The following ELAVL1 variants were observed in gnomAD, a reference collection of about 807,000 sequenced individuals.
ELAVL1 encodes ELAV-like protein 1.
Under a neutral mutation model 28.4 loss-of-function variants are expected in ELAVL1, and 1 was observed. The observed-to-expected ratio is 0.04, with a 90% confidence interval of 0.01 to 0.17. The LOEUF (loss-of-function observed/expected upper bound fraction) is 0.17, where lower values mean the gene tolerates loss of function less well. ELAVL1 is among the 10% of genes least tolerant of loss of function. The pLI is 1.00. For synonymous variants in ELAVL1, 174 were observed against 183.5 expected (o/e 0.95, Z 0.42); for missense variants, 157 against 447.2 (o/e 0.35, Z 5.85).
chr19:8,005,265 C>G (rs569389835), intron 1 of ELAVL1, among the ~76,000 whole-genome samples: 2 of 151,842 alleles, frequency 1.3e-5, no homozygotes, highest in South Asian at 2.1e-4. Context: ...CCCCCTCGCC[C>G]GTCCCTCGAG....
chr19:7,991,912 C>A, intron 1 of ELAVL1, 81 bp from the exon 2 acceptor site: 52 of 966,304 alleles, frequency 5.4e-5, no homozygotes, highest in Middle Eastern at 2.4e-4. Flanking sequence ...TGCATTTGCA[C>A]TTAGAGATTT....
chr19:7,981,336 C>G lies in ELAVL1; in HGVS notation c.173-150G>C. On this transcript the variant is annotated intron_variant, in intron 2 of 5. Coordinates refer to ENST00000407627, the MANE Select transcript of ELAVL1 (RefSeq NM_001419.3). This position sits in a 1 kb window ranked among gnomAD's most constrained non-coding sequence, Gnocchi z 4.2. ...TTTCTTTGGCAAACACGTACATTTT[C>G]TGCAATGAACACAGGTTCCTTTTTT... is the stretch of plus-strand genomic sequence containing the variant. 1 of 608,846 alleles carries G rather than the reference C, an allele frequency of 1.6e-6. No individual in the cohort carries two copies. The highest frequency in any genetic ancestry group is 2.9e-6 in the Non-Finnish European group (1 of 348,136). 37.7% of individuals were successfully genotyped at this position (608,846 alleles called of 1,614,324 possible). A position where few individuals can be genotyped will look rare whatever the true frequency, so the allele number is the denominator to read the frequency against.
At position 7,979,183 on chromosome 19, in the gene ELAVL1, G is replaced by A. The variant is rs1333881744; in HGVS notation, c.276+1900C>T. The stretch of plus-strand genomic sequence containing the variant: ...AGGGCTGTCACGTCCCCATGAGGCT[G>A]GCCTGTTTCTGCAGAACTAGGACAG... On this transcript the variant is annotated intron_variant, in intron 3 of 5. Transcript: ENST00000407627. This position sits in a 1 kb window ranked among gnomAD's most constrained non-coding sequence, Gnocchi z 5.4. Among the ~76,000 whole-genome samples the A allele has an allele frequency of 6.6e-6, 1 of 152,250 alleles. No individual in the cohort carries two copies. Among genetic ancestry groups the A allele is most frequent in the Non-Finnish European group, 1.5e-5 (1 of 68,036 alleles).
At position 7,963,890 on chromosome 19, in the gene ELAVL1, T is replaced by C. The variant is rs960141601; in HGVS notation, c.657-83A>G. ...GCAAGGCCTGGACGCATGCTGACCA[T>C]GGCCGCTGGGCCCCATCCCGCTCTG... On this transcript the variant is annotated intron_variant, in intron 5 of 5. Transcript: ENST00000407627. The surrounding 1 kb of genome is among the most constrained non-coding windows in gnomAD (Gnocchi z 4.5). 11 of 1,457,502 alleles carry C rather than the reference T, an allele frequency of 7.5e-6. No homozygotes were observed. The African/African-American group carries it at 1.6e-4, about 21-fold the overall frequency. 90.3% of individuals were successfully genotyped at this position (1,457,502 alleles called of 1,614,324 possible). A position where few individuals can be genotyped will look rare whatever the true frequency, so the allele number is the denominator to read the frequency against.
At chr19:7,964,325 C>G (rs1453897729) in intron 5 of ELAVL1, among the ~76,000 whole-genome samples, 1 of 152,120 alleles carries the variant, frequency 6.6e-6, no homozygotes, top group Non-Finnish European at 1.5e-5. Flanking sequence ...TTTGCCAGGG[C>G]CACTTGTAGG....
chr19:7,993,951 T>C (rs562454809), intron 1 of ELAVL1, among the ~76,000 whole-genome samples: 1 of 152,146 alleles, frequency 6.6e-6, no homozygotes, highest in African/African-American at 2.4e-5. Context: ...AACATCCAGG[T>C]CTTCCCTACC....
intron 2 of ELAVL1, among the ~76,000 whole-genome samples, chr19:7,985,504 C>T (rs1194328171): frequency 6.6e-6 from 1 of 152,254 alleles, no homozygotes; most frequent in Non-Finnish European, 1.5e-5. Context: ...CTCCTGCCCA[C>T]CAGTGGCAGA....
chr19:8,002,214 T>A (rs1243079322), intron 1 of ELAVL1: 1 of 1,012,784 alleles, frequency 9.9e-7, no homozygotes, highest in Non-Finnish European at 1.4e-6. Flanking sequence ...GGCTGTATCC[T>A]AAAAAGCCCC....
In ELAVL1 at chr19:8,004,419, A is replaced by G. The variant is rs112992976; in HGVS notation, c.-17+1076T>C. 1.8e-3 allele frequency among the ~76,000 whole-genome samples: 280 copies of G among 152,270 alleles called. 1 individual carries two copies. Among genetic ancestry groups the G allele is most frequent in the African/African-American group, 6.4e-3 (268 of 41,552 alleles). On this transcript the variant is annotated intron_variant, in intron 1 of 5. Transcript: ENST00000407627. ...TTCTCACCTGTGCGTGTGAGAGTGGAAGAGACCCCTCCCCCGCAACCCGAG... is the reference window on the plus strand; with the variant it reads ...TTCTCACCTGTGCGTGTGAGAGTGGGAGAGACCCCTCCCCCGCAACCCGAG...
chr19:7,986,999 T>C (rs1488468688), intron 2 of ELAVL1, among the ~76,000 whole-genome samples: 1 of 151,554 alleles, frequency 6.6e-6, no homozygotes, highest in Non-Finnish European at 1.5e-5. Context: ...GGAGCAAACA[T>C]GACTCATATT....
intron 2 of ELAVL1, among the ~76,000 whole-genome samples, chr19:7,988,343 G>C (rs1985659380): frequency 6.6e-6 from 1 of 152,226 alleles, no homozygotes; most frequent in Non-Finnish European, 1.5e-5. Context: ...GGGCAGCTGG[G>C]AGCCATGAGG....
rs866880514 is a variant in ELAVL1, at chr19:7,981,372, T to C, written c.173-186A>G. ...ACAGGTTCCTTTTTTTTTTTTTTTT[T>C]AAAGAGATAGGATCTTGCTCTGTCA... is the stretch of plus-strand genomic sequence containing the variant. On this transcript the variant is annotated intron_variant, in intron 2 of 5. Transcript: ENST00000407627. The surrounding 1 kb of genome is among the most constrained non-coding windows in gnomAD (Gnocchi z 4.2). Among the ~76,000 whole-genome samples, 1 of 141,392 alleles carries C rather than the reference T, an allele frequency of 7.1e-6. No homozygotes were observed. The highest frequency in any genetic ancestry group is 1.6e-5 in the Non-Finnish European group (1 of 62,822). 92.8% of individuals were successfully genotyped at this position (141,392 alleles called of 152,430 possible).
In ELAVL1 at chr19:7,963,834, C is replaced by G. The variant is rs752319380; in HGVS notation, c.657-27G>C. On this transcript the variant is annotated intron_variant, in intron 5 of 5. Transcript: ENST00000407627. The surrounding 1 kb of genome is among the most constrained non-coding windows in gnomAD (Gnocchi z 4.5). ...TGGCAGACAGAGAGCAAGCGTCAGG[C>G]CACGGTCAGCGCAGGCGGCCTGGGG... 3.1e-6 allele frequency: 5 copies of G among 1,605,024 alleles called. No homozygotes were observed. In the African/African-American group the frequency reaches 4.0e-5, roughly 13 times the overall value.
chr19:7,963,058 G>A lies in ELAVL1; in HGVS notation c.*425C>T, dbSNP rs79721943. 3.4e-3 allele frequency: 553 copies of A among 161,792 alleles called. 16 individuals are homozygous for A. The East Asian group carries it at 0.055, about 16-fold the overall frequency. 10.0% of individuals were successfully genotyped at this position (161,792 alleles called of 1,614,324 possible). On this transcript the variant is annotated 3_prime_UTR_variant, in exon 6 of 6. Coordinates refer to ENST00000407627, the MANE Select transcript of ELAVL1 (RefSeq NM_001419.3). The surrounding 1 kb of genome is among the most constrained non-coding windows in gnomAD (Gnocchi z 4.5). The stretch of plus-strand genomic sequence containing the variant: ...ACAATGTTGAAGCGGTTGAGAAAAC[G>A]CACACTCAGCATCTGTCTAACATCT...
chr19:7,973,437 G>A, intron 4 of ELAVL1: 1 of 446,090 alleles, frequency 2.2e-6, no homozygotes, highest in Non-Finnish European at 3.9e-6. Flanking sequence ...TCACCATGTT[G>A]GTCAGGCTGG....
intron 3 of ELAVL1, among the ~76,000 whole-genome samples, chr19:7,975,923 A>T (rs1985268840): frequency 6.6e-6 from 1 of 151,668 alleles, no homozygotes; most frequent in Non-Finnish European, 1.5e-5. Context: ...ACATGGCAAG[A>T]CCCCATCTCT....
At chr19:7,985,757 G>A (rs1985584634) in intron 2 of ELAVL1, among the ~76,000 whole-genome samples, 1 of 152,242 alleles carries the variant, frequency 6.6e-6, no homozygotes, top group African/African-American at 2.4e-5. Context: ...AGGGAGGAAT[G>A]CAGGATGCAG....
intron 1 of ELAVL1, among the ~76,000 whole-genome samples, chr19:7,992,267 T>G (rs1284473640): frequency 6.6e-6 from 1 of 152,182 alleles, no homozygotes; most frequent in East Asian, 1.9e-4. Flanking sequence ...TTTTCTATGC[T>G]GCATGTTAAC....
rs898370572 is a variant in ELAVL1, at chr19:7,981,963, G to A, written c.173-777C>T. Reference sequence around the variant, plus strand: ...ACCTTTCCAAGCCTGAGACCAGCCCGACCCCGCTGTGGGGCAGAAGAGTCC... The same window carrying A: ...ACCTTTCCAAGCCTGAGACCAGCCCAACCCCGCTGTGGGGCAGAAGAGTCC... On this transcript the variant is annotated intron_variant, in intron 2 of 5. Coordinates refer to ENST00000407627, the MANE Select transcript of ELAVL1 (RefSeq NM_001419.3). The surrounding 1 kb of genome is among the most constrained non-coding windows in gnomAD (Gnocchi z 4.2). Among the ~76,000 whole-genome samples, 19 of 152,150 alleles carry A rather than the reference G, an allele frequency of 1.2e-4. No individual in the cohort carries two copies. Among genetic ancestry groups the A allele is most frequent in the African/African-American group, 4.1e-4 (17 of 41,434 alleles).
Sources: gnomAD v4.1 joint callset for allele counts (sites outside exome capture counted in the v4.1 genomes callset) on GRCh38, gnomAD v4.1.1 for gene constraint, Gnocchi (gnomAD v3.1) non-coding constraint, MANE v1.5 for transcripts, NCBI Gene and HGNC (gene_info 2026-07-23, HGNC 2026-07-21) for gene names.